The following DCDC1 variants were observed in gnomAD, a reference collection of about 807,000 sequenced individuals.
DCDC1 encodes doublecortin domain containing 1, also known as doublecortin domain-containing protein 1.
A neutral mutation model predicts 178.3 loss-of-function variants in DCDC1; 200 were observed. The observed-to-expected ratio is 1.12, with a 90% CI of 1.00 to 1.26. The LOEUF is 1.26. DCDC1 is among the 50% of genes most tolerant of loss of function. The pLI, the probability that DCDC1 is intolerant of heterozygous loss-of-function variation, is 0.00. For synonymous variants in DCDC1, 690 were observed against 604.8 expected (o/e 1.14, Z -2.07); for missense variants, 1,983 against 1,749.2 (o/e 1.13, Z -2.38).
At chr11:30,878,522 G>C (rs1172332424) in intron 38 of DCDC1, 22 bp downstream of exon 38, 3 of 1,469,572 alleles carry the variant, frequency 2.0e-6, no homozygotes, top group South Asian at 2.7e-5. Flanking sequence ...TAACAAACAT[G>C]AGTATGTGCA....
At position 30,931,859 on chromosome 11, in the gene DCDC1, G is replaced by T. The variant is rs576318434; in HGVS notation, c.2809C>A (p.Arg937=). 1.2e-6 allele frequency: 2 copies of T among 1,612,974 alleles called. No homozygotes were observed. Among genetic ancestry groups the T allele is most frequent in the African/African-American group, 2.7e-5 (2 of 74,972 alleles). Residue 937 remains arginine, a synonymous_variant, in exon 22 of 39, where the codon CGA becomes AGA. Transcript: ENST00000684477. ...TCTCCATTCTGCAAAACTCTGAGTCGCACAGGGGCATATGGCTCTGTTGTC... is the reference window on the plus strand; with the variant it reads ...TCTCCATTCTGCAAAACTCTGAGTCTCACAGGGGCATATGGCTCTGTTGTC... ...CKTTEPYAPV[R]LRVLQNGEKN... is the part of the protein sequence containing the mutation.
intron 20 of DCDC1, among the ~76,000 whole-genome samples, chr11:31,003,348 T>C (rs1202673966): frequency 2.6e-5 from 4 of 152,072 alleles, no homozygotes; most frequent in Non-Finnish European, 4.4e-5. Flanking sequence ...GCAGATGCAA[T>C]ACTTCTCCTG....
rs189011781 is a variant in DCDC1 at position 31,332,216 on chromosome 11, A to G, written c.-7+3231T>C. On this transcript the variant is annotated intron_variant, in intron 2 of 38. Coordinates refer to ENST00000684477, the MANE Select transcript of DCDC1 (RefSeq NM_001387274.1). ...TGATAGTTTGTATTTCTGTGGGATT[A>G]GTGGTGATATCCCCTTTATCATTTT... Among the ~76,000 whole-genome samples the G allele has an allele frequency of 3.4e-4, 51 of 152,220 alleles. 1 individual carries two copies. The highest frequency in any genetic ancestry group is 1.8e-3 in the Admixed American group (27 of 15,286).
In DCDC1 at chr11:30,927,690, A is replaced by G. The variant is rs113698769; in HGVS notation, c.2898-2282T>C. Among the ~76,000 whole-genome samples, 927 of 152,322 alleles carry G rather than the reference A, an allele frequency of 6.1e-3. 13 individuals carry two copies. Among genetic ancestry groups the G allele is most frequent in the African/African-American group, 0.021 (884 of 41,576 alleles). On this transcript the variant is annotated intron_variant, in intron 22 of 38. Transcript: ENST00000684477. ...CAACAACAAAAGTTCTGTATCTATT[A>G]TTCTAAAATGGAACTTATTATACTA... is the stretch of plus-strand genomic sequence containing the variant.
At chr11:30,890,813 T>C (rs528306383) in intron 36 of DCDC1, among the ~76,000 whole-genome samples, 3 of 152,332 alleles carry the variant, frequency 2.0e-5, no homozygotes, top group South Asian at 4.1e-4. Context: ...AACATCTTTA[T>C]TATTATTTCA....
intron 1 of DCDC1, among the ~76,000 whole-genome samples, chr11:31,348,340 A>G (rs1950912197): frequency 6.6e-6 from 1 of 152,186 alleles, no homozygotes; most frequent in Non-Finnish European, 1.5e-5. Flanking sequence ...GAAATCTGGA[A>G]TTACCATCAT....
At chr11:31,244,711 T>G (rs1012860252) in intron 8 of DCDC1, among the ~76,000 whole-genome samples, 4 of 151,810 alleles carry the variant, frequency 2.6e-5, no homozygotes, top group Non-Finnish European at 4.4e-5. Flanking sequence ...CCCTTAAATT[T>G]AGCAATTATG....
intron 9 of DCDC1, among the ~76,000 whole-genome samples, chr11:31,155,330 G>A (rs1185316075): frequency 6.6e-6 from 1 of 152,152 alleles, no homozygotes; most frequent in East Asian, 1.9e-4. Context: ...GACTTACTAT[G>A]TGCCAGGCAC....
intron 9 of DCDC1, among the ~76,000 whole-genome samples, chr11:31,231,531 C>T (rs1591488433): frequency 6.6e-6 from 1 of 152,072 alleles, no homozygotes; most frequent in African/African-American, 2.4e-5. Context: ...CAGGCACATT[C>T]TCAAGCAGAA....
At chr11:31,035,327 C>T (rs1031622425) in intron 20 of DCDC1, among the ~76,000 whole-genome samples, 2 of 152,124 alleles carry the variant, frequency 1.3e-5, no homozygotes, top group Non-Finnish European at 2.9e-5. Flanking sequence ...CCACTAATGT[C>T]CTTTTTCTTT....
chr11:31,208,904 A>G (rs1972172755), intron 9 of DCDC1, among the ~76,000 whole-genome samples: 1 of 152,158 alleles, frequency 6.6e-6, no homozygotes, highest in African/African-American at 2.4e-5. Context: ...GTCCTATTTC[A>G]TGTTCTTGAT....
intron 15 of DCDC1, among the ~76,000 whole-genome samples, chr11:31,100,145 G>A (rs549819266): frequency 6.6e-6 from 1 of 152,228 alleles, no homozygotes; most frequent in South Asian, 2.1e-4. Context: ...AGGTCCACAT[G>A]GGCATAACAA....
At chr11:31,219,678 G>C (rs987246880) in intron 9 of DCDC1, among the ~76,000 whole-genome samples, 4 of 152,134 alleles carry the variant, frequency 2.6e-5, no homozygotes, top group Non-Finnish European at 5.9e-5. Context: ...CACTGTGCTC[G>C]ACAAAGGTGG....
intron 9 of DCDC1, among the ~76,000 whole-genome samples, chr11:31,219,519 A>G (rs1220025614): frequency 6.6e-6 from 1 of 152,170 alleles, no homozygotes; most frequent in East Asian, 1.9e-4. Flanking sequence ...TGAAGATATG[A>G]TATTTAGTGC....
intron 8 of DCDC1, among the ~76,000 whole-genome samples, chr11:31,252,814 A>ATTTTTTAT (rs1944141082): frequency 6.6e-6 from 1 of 152,140 alleles, no homozygotes; most frequent in East Asian, 1.9e-4. Context: ...TAGATATAAA[A>ATTTTTTAT]CAGATTTTTT....
intron 36 of DCDC1, among the ~76,000 whole-genome samples, chr11:30,884,271 T>TC (rs1200344167): frequency 1.3e-5 from 2 of 151,794 alleles, no homozygotes; most frequent in African/African-American, 2.4e-5. Flanking sequence ...GTTCAATCAG[T>TC]CCCCCCACCT....
At position 31,106,841 on chromosome 11, in the gene DCDC1, C is replaced by T. The variant is rs1217332127; in HGVS notation, c.1707G>A (p.Leu569=). The change falls in exon 13 of 39, where the codon CTG becomes CTA. Residue 569 remains leucine, a synonymous_variant. Coordinates refer to ENST00000684477, the MANE Select transcript of DCDC1 (RefSeq NM_001387274.1). ...AGACCCAAATTTTTTGCTCATTCTT[C>T]AGCGAAAGTGGATTCTTAATTTCTT... The part of the protein sequence containing the change: ...NGQEIKNPLS[L]KNEQKIWVSY... 1 of 766,092 alleles carries T rather than the reference C, an allele frequency of 1.3e-6. No individual in the cohort carries two copies. The highest frequency in any genetic ancestry group is 1.3e-5 in the South Asian group (1 of 74,630). 47.5% of individuals were successfully genotyped at this position (766,092 alleles called of 1,614,324 possible).
intron 9 of DCDC1, among the ~76,000 whole-genome samples, chr11:31,184,068 T>C (rs1244699135): frequency 6.6e-6 from 1 of 152,094 alleles, no homozygotes; most frequent in Non-Finnish European, 1.5e-5. Context: ...AAAGCAGCAT[T>C]GTACTGGTAC....
At chr11:31,346,463 C>CAAAAAAAA (rs377761189) in intron 1 of DCDC1, among the ~76,000 whole-genome samples, 3 of 83,724 alleles carry the variant, frequency 3.6e-5, no homozygotes, top group Non-Finnish European at 4.8e-5. Flanking sequence ...GACTCCGTCT[C>CAAAAAAAA]AAAAAAAAAA....
Sources: gnomAD v4.1 joint callset for allele counts (sites outside exome capture counted in the v4.1 genomes callset) on GRCh38, gnomAD v4.1.1 for gene constraint, MANE v1.5 for transcripts, NCBI Gene and HGNC (gene_info 2026-07-23, HGNC 2026-07-21) for gene names.